Variants in ACO1 observed in about 807,000 individuals in gnomAD.
The protein encoded by ACO1 is cytoplasmic aconitate hydratase.
ACO1 carries 78 observed loss-of-function variants against 105.1 expected under a neutral mutation model. The ratio of observed to expected loss-of-function variants is 0.74; its 90% CI spans 0.62 to 0.90. ACO1 has a LOEUF of 0.90. Ranked by LOEUF, ACO1 falls within the 40% of genes least tolerant of loss-of-function variation. The pLI, the probability that ACO1 is intolerant of heterozygous loss-of-function variation, is 0.00. For missense variants in ACO1, 965 were observed against 1,111.1 expected, an observed-to-expected ratio of 0.87 and a Z score of 1.87; for synonymous variants, 364 against 397.4, an observed-to-expected ratio of 0.92 and a Z score of 1.00.
intron 18 of ACO1, 141 bp downstream of exon 18, chr9:32,436,538 T>G (rs528869379): frequency 2.2e-6 from 2 of 899,796 alleles, no homozygotes; most frequent in South Asian, 3.1e-5. Context: ...CCTTGCCAGG[T>G]GTCCATATGC....
At chr9:32,434,741 G>A (rs1184008281) in intron 17 of ACO1, 40 bp downstream of exon 17, 4 of 1,608,152 alleles carry the variant, frequency 2.5e-6, no homozygotes, top group Admixed American at 3.3e-5. Context: ...AGGCAAAAAT[G>A]GAGGAATGGA....
chr9:32,414,986 G>A (rs895984225), intron 4 of ACO1, among the ~76,000 whole-genome samples: 1 of 152,034 alleles, frequency 6.6e-6, no homozygotes, highest in African/African-American at 2.4e-5. Context: ...GGAGTCTGTG[G>A]GTTTTTCAAG....
At chr9:32,401,184 T>G (rs914544496) in intron 1 of ACO1, among the ~76,000 whole-genome samples, 1 of 151,496 alleles carries the variant, frequency 6.6e-6, no homozygotes, top group African/African-American at 2.5e-5. Context: ...AAGTTGTTTT[T>G]CCAAAGTTTA....
chr9:32,417,171 C>T (rs1821868574), intron 4 of ACO1, among the ~76,000 whole-genome samples: 1 of 152,090 alleles, frequency 6.6e-6, no homozygotes, highest in African/African-American at 2.4e-5. Context: ...TCTCAGTTTC[C>T]CCACTTGAAA....
intron 7 of ACO1, among the ~76,000 whole-genome samples, chr9:32,419,490 A>AT (rs1447033072): frequency 6.6e-6 from 1 of 152,238 alleles, no homozygotes; most frequent in Non-Finnish European, 1.5e-5. Context: ...AGATGATACC[A>AT]TTTTGTCATA....
At chr9:32,442,077 C>A (rs1335434435) in intron 19 of ACO1, among the ~76,000 whole-genome samples, 2 of 151,968 alleles carry the variant, frequency 1.3e-5, no homozygotes, top group East Asian at 3.9e-4. Flanking sequence ...TTTGGAAACA[C>A]TTATGGGATT....
At chr9:32,400,811 T>G (rs1274262603) in intron 1 of ACO1, among the ~76,000 whole-genome samples, 1 of 152,224 alleles carries the variant, frequency 6.6e-6, no homozygotes, top group Non-Finnish European at 1.5e-5. Context: ...GTATGAAACA[T>G]AGAAAGCTAA....
At chr9:32,406,558 G>A (rs1821615261) in intron 2 of ACO1, among the ~76,000 whole-genome samples, 1 of 152,142 alleles carries the variant, frequency 6.6e-6, no homozygotes, top group Non-Finnish European at 1.5e-5. Context: ...GGGAGTTTAA[G>A]GCTGCAATGA....
At chr9:32,392,369 C>T (rs1821283769) in intron 1 of ACO1, among the ~76,000 whole-genome samples, 1 of 152,124 alleles carries the variant, frequency 6.6e-6, no homozygotes, top group Non-Finnish European at 1.5e-5. Flanking sequence ...TGGTGATGCC[C>T]TTGTCACAAA....
In ACO1 at chr9:32,399,326, C is replaced by G. The variant is rs886904808; in HGVS notation, c.-22-6159C>G. 9.9e-5 allele frequency among the ~76,000 whole-genome samples: 15 copies of G among 152,158 alleles called. No homozygotes were observed. In the East Asian group the frequency reaches 2.9e-3, roughly 29 times the overall value. ...TTTACAAAAGAAGAAGTTTAGATGC[C>G]TAACAGACAGATGGAAAGTTACTCA... On this transcript the variant is annotated intron_variant, in intron 1 of 20. Coordinates refer to ENST00000309951, the MANE Select transcript of ACO1 (RefSeq NM_002197.3).
intron 4 of ACO1, among the ~76,000 whole-genome samples, chr9:32,416,260 A>G (rs1184501823): frequency 1.3e-5 from 2 of 151,768 alleles, no homozygotes; most frequent in Non-Finnish European, 2.9e-5. Context: ...ATGCCCGGCT[A>G]ATTTTTATAT....
chr9:32,418,179 G>A lies in ACO1; in HGVS notation c.456G>A (p.Glu152=), dbSNP rs747457843. The A allele has an allele frequency of 1.9e-6, 3 of 1,614,174 alleles. No individual in the cohort carries two copies. Among genetic ancestry groups the A allele is most frequent in the Non-Finnish European group, 1.7e-6 (2 of 1,180,024 alleles). ...NQDLEFERNR[E]RFEFLKWGSQ... is the part of the protein sequence containing the mutation. The stretch of plus-strand genomic sequence containing the variant: ...ACCTGGAATTTGAAAGAAATAGAGA[G>A]CGATTTGAATTTTTAAAGGTATGGG... Residue 152 remains glutamate, a synonymous_variant, in exon 5 of 21, where the codon GAG becomes GAA. Transcript: ENST00000309951.
intron 3 of ACO1, 61 bp downstream of exon 3, chr9:32,407,490 C>G: frequency 6.6e-7 from 1 of 1,514,354 alleles, no homozygotes; most frequent in Non-Finnish European, 8.9e-7. Flanking sequence ...AGAAAGTTTT[C>G]TTTTAAACAA....
chr9:32,416,758 A>G (rs1350712047), intron 4 of ACO1, among the ~76,000 whole-genome samples: 1 of 152,196 alleles, frequency 6.6e-6, no homozygotes, highest in Non-Finnish European at 1.5e-5. Flanking sequence ...ATCATGGTCA[A>G]GGTAGAAACC....
intron 19 of ACO1, among the ~76,000 whole-genome samples, chr9:32,448,183 G>C (rs1405221452): frequency 2.0e-5 from 3 of 152,156 alleles, no homozygotes; most frequent in Non-Finnish European, 4.4e-5. Flanking sequence ...AGGGAGATGG[G>C]GGTGTTATCT....
chr9:32,393,749 G>A lies in ACO1; in HGVS notation c.-23+9014G>A, dbSNP rs1038334047. Among the ~76,000 whole-genome samples the A allele has an allele frequency of 3.9e-5, 6 of 152,182 alleles. 1 individual carries two copies. Among genetic ancestry groups the A allele is most frequent in the East Asian group, 1.9e-4 (1 of 5,180 alleles). ...TTTCCCTTTATTTCTCAGACCGGCC[G>A]ACACTTAGGGAAAATAGAAAAGAAC... On this transcript the variant is annotated intron_variant, in intron 1 of 20. Transcript: ENST00000309951.
chr9:32,429,429 G>A lies in ACO1; in HGVS notation c.1495G>A (p.Val499Met), dbSNP rs1279847168. The A allele has an allele frequency of 6.2e-7, 1 of 1,614,040 alleles. No individual in the cohort carries two copies. Among genetic ancestry groups the A allele is most frequent in the African/African-American group, 1.3e-5 (1 of 74,922 alleles). Residue 499 changes from valine to methionine, a missense_variant, in exon 13 of 21, where the codon GTG becomes ATG. Physicochemically the swap from Val to Met is conservative, Grantham distance 21. Coordinates refer to ENST00000309951, the MANE Select transcript of ACO1 (RefSeq NM_002197.3). ...TCTCTTGGTGTCTAGGTTTGACGTGGTGGGCTATGGCTGCATGACCTGCAT... is the reference window on the plus strand; with the variant it reads ...TCTCTTGGTGTCTAGGTTTGACGTGATGGGCTATGGCTGCATGACCTGCAT... ...PYLSQLGFDV[V>M]GYGCMTCIGN...
At chr9:32,440,194 G>A (rs1266815165) in intron 18 of ACO1, among the ~76,000 whole-genome samples, 1 of 152,046 alleles carries the variant, frequency 6.6e-6, no homozygotes. Context: ...TTGAAACCCG[G>A]GAGGTGGAGG....
intron 1 of ACO1, among the ~76,000 whole-genome samples, chr9:32,402,039 T>G (rs576570036): frequency 6.6e-6 from 1 of 152,374 alleles, no homozygotes; most frequent in African/African-American, 2.4e-5. Context: ...TCCTTTTGTT[T>G]AAGAACTGTT....
Sources: gnomAD v4.1 joint callset for allele counts (sites outside exome capture counted in the v4.1 genomes callset) on GRCh38, gnomAD v4.1.1 for gene constraint, MANE v1.5 for transcripts, NCBI Gene and HGNC (gene_info 2026-07-23, HGNC 2026-07-21) for gene names.